The following SCG2 variants were observed in gnomAD, a reference collection of about 807,000 sequenced individuals.
The protein encoded by SCG2 is secretogranin II.
A neutral mutation model predicts 49.5 loss-of-function variants in SCG2; 23 were observed. The ratio of observed to expected loss-of-function variants is 0.46; its 90% confidence interval spans 0.33 to 0.66. The LOEUF (loss-of-function observed/expected upper bound fraction) is 0.66, where lower values mean the gene tolerates loss of function less well. Among genes scored for constraint, SCG2 ranks in the 30% least tolerant of loss-of-function variants. The probability of loss-of-function intolerance (pLI) is 0.01; values close to 1 mark genes in which losing one functional copy is unlikely to be tolerated. For synonymous variants in SCG2, 288 were observed against 260.4 expected (o/e 1.11, Z -1.02); for missense variants, 730 against 728.2 (o/e 1.00, Z -0.03).
In SCG2 at chr2:223,597,325, A is replaced by G; in HGVS notation, c.*104T>C. 7.1e-7 allele frequency: 1 copy of G among 1,407,386 alleles called. No homozygotes were observed. The highest frequency in any genetic ancestry group is 9.6e-7 in the Non-Finnish European group (1 of 1,045,568). The allele number at this position is 1,407,386 out of a possible 1,614,324, so 87.2% of individuals were successfully genotyped here. On this transcript the variant is annotated 3_prime_UTR_variant, in exon 2 of 2. Coordinates refer to ENST00000305409, the MANE Select transcript of SCG2 (RefSeq NM_003469.5). ...GTTTCATCTGCCTGTACATCATTTA[A>G]AGATATTACAGTGTTAACAGGATAG...
Position 223,599,246 on chromosome 2 carries a change from G to A in SCG2, c.37C>T (p.Leu13=). The stretch of plus-strand genomic sequence containing the variant: ...AGGAAAATTAAAGGGATAAGAGACA[G>A]GGCTGCTCCAAGCCAGTGGGTCTTT... The part of the protein sequence containing the change: ...EAKTHWLGAA[L]SLIPLIFLIS... Residue 13 remains leucine (L), a synonymous_variant, in exon 2 of 2, where the codon CTG becomes TTG. Transcript: ENST00000305409. 1 of 1,596,046 alleles carries A rather than the reference G, an allele frequency of 6.3e-7. No individual in the cohort carries two copies. The highest frequency in any genetic ancestry group is 1.1e-5 in the South Asian group (1 of 90,444).
rs1401967243 is a variant in SCG2 at position 223,598,371 on chromosome 2, T to C, written c.912A>G (p.Ser304=). The change falls in exon 2 of 2, where the codon TCA becomes TCG. Residue 304 remains serine (S), a synonymous_variant. Transcript: ENST00000305409. The stretch of plus-strand genomic sequence containing the variant: ...AGGCAATTACTTTGGAGACATCATC[T>C]GAGAGTTGGTCTTTACTCTCTTTCC... ...DLRKESKDQL[S]DDVSKVIAYL... is the part of the protein sequence containing the mutation. 3 of 1,613,998 alleles carry C rather than the reference T, an allele frequency of 1.9e-6. No individual in the cohort carries two copies. The highest frequency in any genetic ancestry group is 2.7e-5 in the African/African-American group (2 of 74,946).
chr2:223,601,347 T>G (rs993483279), intron 1 of SCG2, among the ~76,000 whole-genome samples: 1 of 152,206 alleles, frequency 6.6e-6, no homozygotes, highest in Non-Finnish European at 1.5e-5. Flanking sequence ...TTTCCCCTGA[T>G]AGCTATCATT....
rs778708795 is a variant in SCG2 at position 223,597,457 on chromosome 2, A to G, written c.1826T>C (p.Ile609Thr). The G allele has an allele frequency of 6.2e-7, 1 of 1,610,302 alleles. No homozygotes were observed. Among genetic ancestry groups the G allele is most frequent in the Non-Finnish European group, 8.5e-7 (1 of 1,178,076 alleles). The change falls in exon 2 of 2, where the codon ATT (isoleucine) becomes ACT (threonine). Residue 609 changes from isoleucine (I) to threonine (T), a missense_variant. Physicochemically the swap from Ile to Thr is moderately conservative, Grantham distance 89. Coordinates refer to ENST00000305409, the MANE Select transcript of SCG2 (RefSeq NM_003469.5). The part of the protein sequence containing the change: ...QEKAEKGREH[I>T]AKRAMENM ...CATATTTTCCATTGCTCTCTTAGCA[A>G]TATGCTCCCTTCCCTTTTCTGCCTT...
chr2:223,597,592 GGGGCCA>G lies in SCG2; in HGVS notation c.1685_1690del (p.Leu562_Ala563del). On this transcript the variant is annotated inframe_deletion, in exon 2 of 2. Transcript: ENST00000305409. ...CCCCACAGGGAACCTTTTGCTCACCGGGGCCAGCTTGTCAGTCTCCTGAGAGCTGCC... is the reference window on the plus strand; with the variant it reads ...CCCCACAGGGAACCTTTTGCTCACCGGCTTGTCAGTCTCCTGAGAGCTGCC... The G allele has an allele frequency of 6.2e-7, 1 of 1,614,012 alleles. No individual in the cohort carries two copies. Among genetic ancestry groups the G allele is most frequent in the Non-Finnish European group, 8.5e-7 (1 of 1,179,996 alleles).
rs377083526 is a variant in SCG2 at position 223,598,742 on chromosome 2, G to A, written c.541C>T (p.Arg181Cys). The A allele has an allele frequency of 1.1e-5, 17 of 1,613,590 alleles. No homozygotes were observed. Among genetic ancestry groups the A allele is most frequent in the African/African-American group, 2.7e-5 (2 of 74,894 alleles). ...TGTTCCTCCACTATTTCATTTGTGC[G>A]TTTAAAGGGGTTATCCCTGGAATTC... ...EENSRDNPFK[R>C]TNEIVEEQYT... Residue 181 changes from arginine to cysteine, a missense_variant, in exon 2 of 2, where the codon CGC (arginine) becomes TGC (cysteine). Physicochemically the swap from Arg to Cys is radical, Grantham distance 180. Coordinates refer to ENST00000305409, the MANE Select transcript of SCG2 (RefSeq NM_003469.5).
chr2:223,598,500 G>C lies in SCG2; in HGVS notation c.783C>G (p.Thr261=). The C allele has an allele frequency of 6.2e-7, 1 of 1,613,696 alleles. No homozygotes were observed. The highest frequency in any genetic ancestry group is 8.5e-7 in the Non-Finnish European group (1 of 1,179,952). The change falls in exon 2 of 2, where the codon ACC becomes ACG. Residue 261 remains threonine (T), a synonymous_variant. Transcript: ENST00000305409. ...NPVEEKIESQ[T]QEEVRDSKEN... ...CTTTGCTGTCTCTCACCTCTTCCTGGGTTTGACTCTCTATTTTCTCCTCTA... is the reference window on the plus strand; with the variant it reads ...CTTTGCTGTCTCTCACCTCTTCCTGCGTTTGACTCTCTATTTTCTCCTCTA...
At position 223,598,095 on chromosome 2, in the gene SCG2, C is replaced by T. The variant is rs908820925; in HGVS notation, c.1188G>A (p.Glu396=). 6.9e-6 allele frequency: 11 copies of T among 1,605,622 alleles called. No individual in the cohort carries two copies. Among genetic ancestry groups the T allele is most frequent in the South Asian group, 1.1e-5 (1 of 89,646 alleles). ...ACAGGTCTGGATGGTCTAAGTCAGCCTCTGAGATGTCATCTAGGTCAACAG... is the reference window on the plus strand; with the variant it reads ...ACAGGTCTGGATGGTCTAAGTCAGCTTCTGAGATGTCATCTAGGTCAACAG... ...DLPVDLDDIS[E]ADLDHPDLFQ... The change falls in exon 2 of 2, where the codon GAG becomes GAA. Residue 396 remains glutamate (E), a synonymous_variant. Coordinates refer to ENST00000305409, the MANE Select transcript of SCG2 (RefSeq NM_003469.5).
chr2:223,601,438 A>G (rs564302028), intron 1 of SCG2, among the ~76,000 whole-genome samples: 1 of 152,366 alleles, frequency 6.6e-6, no homozygotes, highest in South Asian at 2.1e-4. Context: ...ATGTAATTTA[A>G]GCAATTCAAC....
intron 1 of SCG2, among the ~76,000 whole-genome samples, chr2:223,600,149 G>A (rs1010345419): frequency 1.3e-5 from 2 of 152,124 alleles, no homozygotes; most frequent in Non-Finnish European, 2.9e-5. Context: ...CTTTTCATCA[G>A]CCCTTCAGAG....
rs1691328112 is a variant in SCG2 at position 223,598,116 on chromosome 2, A to C, written c.1167T>G (p.Val389=). The change falls in exon 2 of 2, where the codon GTT becomes GTG. Residue 389 remains valine, a synonymous_variant. Transcript: ENST00000305409. ...CAGCCTCTGAGATGTCATCTAGGTC[A>C]ACAGGAAGGTCAAGCTCCCGCTCCG... is the stretch of plus-strand genomic sequence containing the variant. ...VEPERELDLP[V]DLDDISEADL... 1 of 1,609,348 alleles carries C rather than the reference A, an allele frequency of 6.2e-7. No homozygotes were observed. The highest frequency in any genetic ancestry group is 1.7e-5 in the Admixed American group (1 of 59,552).
Position 223,598,026 on chromosome 2 carries a change from A to T in SCG2, c.1257T>A (p.Pro419=). The T allele has an allele frequency of 6.2e-7, 1 of 1,612,212 alleles. No individual in the cohort carries two copies. The highest frequency in any genetic ancestry group is 8.5e-7 in the Non-Finnish European group (1 of 1,179,086). ...MLSKSGYPKT[P]GRAGTEALPD... is the part of the protein sequence containing the mutation. ...GTAGGGCCTCAGTCCCAGCACGACC[A>T]GGTGTTTTAGGGTAGCCACTCTTGG... The change falls in exon 2 of 2, where the codon CCT becomes CCA. Residue 419 remains proline, a synonymous_variant. Coordinates refer to ENST00000305409, the MANE Select transcript of SCG2 (RefSeq NM_003469.5).
rs532125429 is a variant in SCG2, at chr2:223,599,771, C to T, written c.-14-475G>A. The stretch of plus-strand genomic sequence containing the variant: ...ACAAATTATGTCCTTAAAGTTGTGT[C>T]AAAAAACATGTGGTTTATTTCCTGA... On this transcript the variant is annotated intron_variant, in intron 1 of 1. Transcript: ENST00000305409. Among the ~76,000 whole-genome samples, 10 of 152,228 alleles carry T rather than the reference C, an allele frequency of 6.6e-5. No individual in the cohort carries two copies. The South Asian group carries it at 2.1e-3, about 32-fold the overall frequency.
Position 223,598,585 on chromosome 2 carries a change from A to C in SCG2, c.698T>G (p.Ile233Ser), listed in dbSNP as rs1254606245. The change falls in exon 2 of 2, where the codon ATC becomes AGC. Residue 233 changes from isoleucine to serine, a missense_variant. Physicochemically the swap from Ile to Ser is moderately radical, Grantham distance 142 (BLOSUM62 -2). Transcript: ENST00000305409. ...ATAGGCAATGTTATTAGCCTTGTAG[A>C]TATCATCTTCATCATCCGTATAAAG... Reference protein sequence around the residue: ...QKLYTDDEDDIYKANNIAYED... With the variant: ...QKLYTDDEDDSYKANNIAYED... The C allele has an allele frequency of 6.2e-7, 1 of 1,614,030 alleles. No individual in the cohort carries two copies. The highest frequency in any genetic ancestry group is 8.5e-7 in the Non-Finnish European group (1 of 1,180,020).
rs1333108835 is a variant in SCG2 at position 223,597,772 on chromosome 2, A to G, written c.1511T>C (p.Leu504Ser). 3 of 1,613,912 alleles carry G rather than the reference A, an allele frequency of 1.9e-6. No homozygotes were observed. The African/African-American group carries it at 4.0e-5, about 22-fold the overall frequency. ...YENLNDKDQE[L>S]GEYLARMLVK... The stretch of plus-strand genomic sequence containing the variant: ...TAGCATCCTGGCCAAGTACTCACCT[A>G]ATTCTTGATCCTTGTCGTTCAGGTT... The change falls in exon 2 of 2, where the codon TTA becomes TCA. Residue 504 changes from leucine (L) to serine (S), a missense_variant. By Grantham distance (145) the Leu-to-Ser change is moderately radical. Transcript: ENST00000305409.
rs940261605 is a variant in SCG2, at chr2:223,598,103, T to C, written c.1180A>G (p.Ile394Val). 1 of 1,607,092 alleles carries C rather than the reference T, an allele frequency of 6.2e-7. No individual in the cohort carries two copies. Among genetic ancestry groups the C allele is most frequent in the Non-Finnish European group, 8.5e-7 (1 of 1,176,396 alleles). ...ELDLPVDLDD[I>V]SEADLDHPDL... ...GGATGGTCTAAGTCAGCCTCTGAGA[T>C]GTCATCTAGGTCAACAGGAAGGTCA... Residue 394 changes from isoleucine to valine, a missense_variant, in exon 2 of 2, where the codon ATC becomes GTC. Coordinates refer to ENST00000305409, the MANE Select transcript of SCG2 (RefSeq NM_003469.5).
In SCG2 at chr2:223,597,813, T is replaced by C. The variant is rs368874989; in HGVS notation, c.1470A>G (p.Arg490=). Residue 490 remains arginine, a synonymous_variant, in exon 2 of 2, where the codon AGA becomes AGG. Transcript: ENST00000305409. ...KAAWIPHVEN[R]QMAYENLNDK... ...CGTTCAGGTTTTCATATGCCATCTG[T>C]CTGTTTTCAACATGTGGAATCCAGG... is the stretch of plus-strand genomic sequence containing the variant. The C allele has an allele frequency of 4.6e-5, 75 of 1,614,098 alleles. No individual in the cohort carries two copies. Among genetic ancestry groups the C allele is most frequent in the Non-Finnish European group, 6.2e-5 (73 of 1,180,048 alleles).
rs1220808569 is a variant in SCG2 at position 223,598,044 on chromosome 2, A to G, written c.1239T>C (p.Ser413=). ...CACGACCAGGTGTTTTAGGGTAGCCACTCTTGGAGAGCATCCTATTTTGGA... is the reference window on the plus strand; with the variant it reads ...CACGACCAGGTGTTTTAGGGTAGCCGCTCTTGGAGAGCATCCTATTTTGGA... ...DLFQNRMLSK[S]GYPKTPGRAG... Residue 413 remains serine, a synonymous_variant, in exon 2 of 2, where the codon AGT becomes AGC. Coordinates refer to ENST00000305409, the MANE Select transcript of SCG2 (RefSeq NM_003469.5). 1 of 1,607,546 alleles carries G rather than the reference A, an allele frequency of 6.2e-7. No individual in the cohort carries two copies. The highest frequency in any genetic ancestry group is 1.1e-5 in the South Asian group (1 of 90,008).
At position 223,597,410 on chromosome 2, in the gene SCG2, G is replaced by C; in HGVS notation, c.*19C>G. On this transcript the variant is annotated 3_prime_UTR_variant, in exon 2 of 2. Transcript: ENST00000305409. ...CTTGGGGTGGGAGGAATGAAAGTAG[G>C]GTAATTAATGAAAGCAGCTTACATA... 9.6e-6 allele frequency: 15 copies of C among 1,563,842 alleles called. No homozygotes were observed. Among genetic ancestry groups the C allele is most frequent in the Non-Finnish European group, 1.3e-5 (15 of 1,155,136 alleles).
Sources: allele counts gnomAD v4.1 joint callset (sites outside exome capture counted in the v4.1 genomes callset), GRCh38; gene constraint gnomAD v4.1.1; transcripts MANE v1.5; gene names NCBI Gene and HGNC (gene_info 2026-07-23, HGNC 2026-07-21).